CACNA1D: variants seen among roughly 807,000 people sequenced by gnomAD.
The protein encoded by CACNA1D is calcium voltage-gated channel subunit alpha1 D.
CACNA1D carries 55 observed loss-of-function variants against 257.1 expected under a neutral mutation model. The observed-to-expected ratio is 0.21, with a 90% confidence interval of 0.17 to 0.27. The LOEUF (loss-of-function observed/expected upper bound fraction) is 0.27. Ranked by LOEUF, CACNA1D falls within the 10% of genes least tolerant of loss-of-function variation. The pLI is 1.00. For missense variants in CACNA1D, 1,876 were observed against 2,784.0 expected (o/e 0.67, Z 7.34); for synonymous variants, 980 against 1,014.9 (o/e 0.97, Z 0.65).
intron 7 of CACNA1D, 66 bp downstream of exon 7, chr3:53,666,601 G>T: frequency 7.6e-7 from 1 of 1,320,820 alleles, no homozygotes; most frequent in African/African-American, 1.5e-5. Context: ...TTGTGAGCTA[G>T]AGCCACTGGA....
chr3:53,704,302 G>A (rs2094661163), intron 9 of CACNA1D, among the ~76,000 whole-genome samples: 1 of 152,128 alleles, frequency 6.6e-6, no homozygotes, highest in African/African-American at 2.4e-5. Flanking sequence ...TGCCCTGGCT[G>A]GTGCAAACCA....
At chr3:53,618,267 C>T (rs933355435) in intron 3 of CACNA1D, among the ~76,000 whole-genome samples, 4 of 152,158 alleles carry the variant, frequency 2.6e-5, no homozygotes, top group Non-Finnish European at 4.4e-5. Flanking sequence ...GCACCAAGGT[C>T]GCCCAGGTGC....
chr3:53,569,573 C>G (rs1033377495), intron 3 of CACNA1D, among the ~76,000 whole-genome samples: 1 of 152,216 alleles, frequency 6.6e-6, no homozygotes, highest in Non-Finnish European at 1.5e-5. Flanking sequence ...GGTCCTGTCT[C>G]AACTCTCCCT....
At chr3:53,682,815 T>G (rs2094444936) in intron 8 of CACNA1D, among the ~76,000 whole-genome samples, 1 of 152,162 alleles carries the variant, frequency 6.6e-6, no homozygotes, top group African/African-American at 2.4e-5. Flanking sequence ...AACATACTAG[T>G]GCTACCAGAC....
intron 5 of CACNA1D, 98 bp from the exon 6 acceptor site, chr3:53,665,562 A>G (rs146638944): frequency 1.6e-5 from 14 of 902,192 alleles, no homozygotes; most frequent in African/African-American, 9.9e-5. Context: ...TTTTATTACT[A>G]TGTGTTCTAA....
chr3:53,717,731 G>T (rs745446861), intron 9 of CACNA1D, among the ~76,000 whole-genome samples: 2 of 152,164 alleles, frequency 1.3e-5, no homozygotes, highest in Non-Finnish European at 2.9e-5. Context: ...GGCTTCACAA[G>T]CTCAGCAGAA....
At chr3:53,520,004 C>T (rs1418988772) in intron 3 of CACNA1D, among the ~76,000 whole-genome samples, 2 of 152,200 alleles carry the variant, frequency 1.3e-5, no homozygotes, top group Admixed American at 6.5e-5. Context: ...GTAGAATAAT[C>T]GTCCACTAAA....
intron 3 of CACNA1D, among the ~76,000 whole-genome samples, chr3:53,524,475 G>A (rs954262395): frequency 6.6e-6 from 1 of 152,214 alleles, no homozygotes; most frequent in African/African-American, 2.4e-5. Flanking sequence ...CACCAGAAAT[G>A]CAGTTTACAG....
chr3:53,636,663 A>T (rs561374229), intron 3 of CACNA1D, among the ~76,000 whole-genome samples: 1 of 152,338 alleles, frequency 6.6e-6, no homozygotes, highest in South Asian at 2.1e-4. Flanking sequence ...TATTTTCCAT[A>T]CAATTTTATT....
chr3:53,661,495 A>G (rs1488341872), intron 5 of CACNA1D, among the ~76,000 whole-genome samples: 1 of 152,252 alleles, frequency 6.6e-6, no homozygotes, highest in Admixed American at 6.5e-5. Context: ...TACCTTGGAA[A>G]TGACTGGCTC....
chr3:53,753,630 C>T lies in CACNA1D; in HGVS notation c.3734C>T (p.Thr1245Ile). ...DAMDILNMVF[T>I]GVFTVEMVLK... is the part of the protein sequence containing the mutation. Reference sequence around the variant, plus strand: ...ATGGACATTCTGAACATGGTCTTCACCGGGGTGTTCACCGTCGAGATGGTT... The same window carrying T: ...ATGGACATTCTGAACATGGTCTTCATCGGGGTGTTCACCGTCGAGATGGTT... The change falls in exon 29 of 48, where the codon ACC (threonine) becomes ATC (isoleucine). Residue 1245 changes from threonine (T) to isoleucine (I), a missense_variant. This residue lies in a region of CACNA1D where 204 missense variants were observed against 309.4 expected (regional missense o/e 0.66). Coordinates refer to ENST00000350061, the MANE Select transcript of CACNA1D (RefSeq NM_001128840.3). 1 of 1,613,762 alleles carries T rather than the reference C, an allele frequency of 6.2e-7. No homozygotes were observed. The highest frequency in any genetic ancestry group is 8.5e-7 in the Non-Finnish European group (1 of 1,179,616).
chr3:53,530,832 A>C (rs1199769753), intron 3 of CACNA1D, among the ~76,000 whole-genome samples: 2 of 149,920 alleles, frequency 1.3e-5, no homozygotes, highest in African/African-American at 4.9e-5. Context: ...CTTGCTCTGC[A>C]CCCGTGCACA....
intron 8 of CACNA1D, among the ~76,000 whole-genome samples, chr3:53,700,689 C>A (rs2094615533): frequency 6.6e-6 from 1 of 152,096 alleles, no homozygotes; most frequent in South Asian, 2.1e-4. Context: ...CTCAGATCGG[C>A]TCCTGCTCAC....
At chr3:53,785,336 G>C (rs1185705309) in intron 39 of CACNA1D, among the ~76,000 whole-genome samples, 4 of 152,264 alleles carry the variant, frequency 2.6e-5, no homozygotes, top group Admixed American at 2.0e-4. Context: ...TCTTAGCTTA[G>C]GTTTAGAAGG....
chr3:53,638,037 G>A (rs1347117504), intron 3 of CACNA1D, among the ~76,000 whole-genome samples: 7 of 152,130 alleles, frequency 4.6e-5, no homozygotes, highest in African/African-American at 7.2e-5. Flanking sequence ...CTATGGTGTC[G>A]GCACACTCAG....
chr3:53,659,844 C>T (rs747491133), intron 4 of CACNA1D, among the ~76,000 whole-genome samples: 1 of 152,174 alleles, frequency 6.6e-6, no homozygotes, highest in East Asian at 1.9e-4. Context: ...GCAGCAGTTC[C>T]ACTTGTCATC....
intron 3 of CACNA1D, among the ~76,000 whole-genome samples, chr3:53,636,316 T>C (rs904915469): frequency 2.6e-5 from 4 of 152,188 alleles, no homozygotes; most frequent in African/African-American, 4.8e-5. Context: ...GATTTATTTG[T>C]TTTTTGAGAT....
intron 29 of CACNA1D, among the ~76,000 whole-genome samples, chr3:53,761,248 T>A (rs1346568766): frequency 6.6e-6 from 1 of 152,142 alleles, no homozygotes. Flanking sequence ...CCTATTGGCT[T>A]CTTTGAAGGA....
At chr3:53,536,867 A>G (rs1233324114) in intron 3 of CACNA1D, among the ~76,000 whole-genome samples, 1 of 152,234 alleles carries the variant, frequency 6.6e-6, no homozygotes, top group Admixed American at 6.5e-5. Flanking sequence ...AAGTTTGCCA[A>G]TCTTTGGTCT....
Sources: allele counts gnomAD v4.1 joint callset (sites outside exome capture counted in the v4.1 genomes callset), GRCh38; gene constraint gnomAD v4.1.1; regional missense constraint gnomAD v4.1.1; transcripts MANE v1.5; gene names NCBI Gene and HGNC (gene_info 2026-07-23, HGNC 2026-07-21).